Variants in SYN3 observed in about 807,000 individuals in gnomAD.
The protein encoded by SYN3 is synapsin-3.
A neutral mutation model predicts 65.8 loss-of-function variants in SYN3; 35 were observed. The ratio of observed to expected loss-of-function variants is 0.53; its 90% CI spans 0.41 to 0.70. SYN3 has a LOEUF of 0.70. Ranked by LOEUF, SYN3 falls within the 30% of genes least tolerant of loss-of-function variation. SYN3 has a pLI of 0.00. For missense variants in SYN3, 680 were observed against 749.0 expected (o/e 0.91, Z 1.08); for synonymous variants, 270 against 292.9 (o/e 0.92, Z 0.80).
intron 4 of SYN3, among the ~76,000 whole-genome samples, chr22:32,870,317 A>G (rs2048814649): frequency 7.7e-6 from 1 of 130,568 alleles, no homozygotes. Flanking sequence ...TAATTGCTCC[A>G]TACTTTCTTT....
intron 7 of SYN3, among the ~76,000 whole-genome samples, chr22:32,563,187 A>G (rs534547390): frequency 3.9e-5 from 6 of 152,376 alleles, no homozygotes; most frequent in Admixed American, 3.9e-4. Context: ...AAGAGGTTTA[A>G]GTAAATTAAC....
chr22:32,725,587 A>G (rs2061179301), intron 6 of SYN3, among the ~76,000 whole-genome samples: 1 of 152,184 alleles, frequency 6.6e-6, no homozygotes, highest in Non-Finnish European at 1.5e-5. Flanking sequence ...CAGAAGAGTC[A>G]GAGTGAGAGG....
At chr22:32,879,757 C>A (rs1168175034) in intron 4 of SYN3, among the ~76,000 whole-genome samples, 1 of 152,158 alleles carries the variant, frequency 6.6e-6, no homozygotes, top group Non-Finnish European at 1.5e-5. Flanking sequence ...CGGTGTTAAG[C>A]ACATAGTAGG....
intron 6 of SYN3, among the ~76,000 whole-genome samples, chr22:32,826,178 C>T (rs1378319876): frequency 6.6e-6 from 1 of 152,050 alleles, no homozygotes; most frequent in Admixed American, 6.6e-5. Context: ...CCTGTAATTC[C>T]AGCACTTTGG....
At chr22:32,788,800 A>G (rs1310786092) in intron 6 of SYN3, among the ~76,000 whole-genome samples, 1 of 152,218 alleles carries the variant, frequency 6.6e-6, no homozygotes, top group Admixed American at 6.5e-5. Flanking sequence ...GTTTATCATG[A>G]CTTGGCATTG....
At chr22:32,870,834 A>G (rs1273196492) in intron 4 of SYN3, among the ~76,000 whole-genome samples, 1 of 152,208 alleles carries the variant, frequency 6.6e-6, no homozygotes. Flanking sequence ...AAGTCTGTTC[A>G]CATCCTTTTC....
At chr22:32,524,087 G>A (rs1300079017) in intron 12 of SYN3, among the ~76,000 whole-genome samples, 1 of 152,252 alleles carries the variant, frequency 6.6e-6, no homozygotes, top group African/African-American at 2.4e-5. Flanking sequence ...GCAGAGGTTG[G>A]TGGGTGAAGT....
At chr22:32,578,041 T>C (rs1268668964) in intron 7 of SYN3, among the ~76,000 whole-genome samples, 1 of 152,286 alleles carries the variant, frequency 6.6e-6, no homozygotes, top group Admixed American at 6.5e-5. Flanking sequence ...TGTTTGATAT[T>C]GCATCTCCAG....
chr22:32,668,304 T>A (rs2060318022), intron 6 of SYN3, among the ~76,000 whole-genome samples: 1 of 152,226 alleles, frequency 6.6e-6, no homozygotes, highest in African/African-American at 2.4e-5. Flanking sequence ...TACATAATTA[T>A]CTTTTCAATG....
At chr22:32,993,014 G>A (rs561817906) in intron 2 of SYN3, among the ~76,000 whole-genome samples, 2 of 152,226 alleles carry the variant, frequency 1.3e-5, no homozygotes, top group South Asian at 4.2e-4. Context: ...GTCCCAAAGT[G>A]CCCGCAGAGC....
intron 7 of SYN3, among the ~76,000 whole-genome samples, chr22:32,594,796 C>T (rs936427164): frequency 1.3e-5 from 2 of 152,234 alleles, no homozygotes; most frequent in African/African-American, 4.8e-5. Context: ...CTGACCCATT[C>T]CTTTTTAGGC....
At chr22:32,710,539 G>A (rs1213972277) in intron 6 of SYN3, among the ~76,000 whole-genome samples, 1 of 151,476 alleles carries the variant, frequency 6.6e-6, no homozygotes, top group Admixed American at 6.6e-5. Context: ...AGGCTGAGGC[G>A]GGAGAACTGC....
At chr22:32,896,762 GCTGTCAC>G (rs1361511324) in intron 4 of SYN3, among the ~76,000 whole-genome samples, 11 of 152,150 alleles carry the variant, frequency 7.2e-5, no homozygotes, top group African/African-American at 2.7e-4. Flanking sequence ...TCTCATTTTG[GCTGTCAC>G]CTTGTTCGAA....
chr22:32,521,740 C>G (rs1021997053), intron 12 of SYN3, among the ~76,000 whole-genome samples: 13 of 152,126 alleles, frequency 8.5e-5, no homozygotes, highest in Admixed American at 7.2e-4. Flanking sequence ...GTCACCGCGC[C>G]CAGCTCACCT....
At chr22:32,587,902 T>A (rs1446380328) in intron 7 of SYN3, among the ~76,000 whole-genome samples, 1 of 152,106 alleles carries the variant, frequency 6.6e-6, no homozygotes, top group African/African-American at 2.4e-5. Flanking sequence ...GGATATCTGG[T>A]ACCATGTCAC....
chr22:32,988,097 A>C (rs1253115261), intron 2 of SYN3, among the ~76,000 whole-genome samples: 1 of 151,912 alleles, frequency 6.6e-6, no homozygotes. Context: ...TCACGAGGTC[A>C]AGAGATCAAG....
intron 13 of SYN3, among the ~76,000 whole-genome samples, 165 bp from the exon 14 acceptor site, chr22:32,513,989 A>AAT (rs2057729336): frequency 6.6e-6 from 1 of 152,204 alleles, no homozygotes; most frequent in African/African-American, 2.4e-5. Context: ...GGTACATTAC[A>AAT]CACATAATTT....
At position 33,051,851 on chromosome 22, in the gene SYN3, G is replaced by T. The variant is rs140255248; in HGVS notation, c.-163+6441C>A. ...AATATAAGGAGGAACCAGATTAGAA[G>T]TGGTTTCAGAGATACAGGGATAACC... On this transcript the variant is annotated intron_variant, in intron 1 of 13. Transcript: ENST00000358763. 2.0e-5 allele frequency among the ~76,000 whole-genome samples: 3 copies of T among 152,316 alleles called. No individual in the cohort carries two copies. In the East Asian group the frequency reaches 5.8e-4, roughly 29 times the overall value.
At chr22:32,749,082 A>C (rs1007816560) in intron 6 of SYN3, among the ~76,000 whole-genome samples, 1 of 152,144 alleles carries the variant, frequency 6.6e-6, no homozygotes, top group Non-Finnish European at 1.5e-5. Flanking sequence ...TCATAAACAC[A>C]GTTTCTCACA....
Sources: allele counts gnomAD v4.1 joint callset (sites outside exome capture counted in the v4.1 genomes callset), GRCh38; gene constraint gnomAD v4.1.1; transcripts MANE v1.5; gene names NCBI Gene and HGNC (gene_info 2026-07-23, HGNC 2026-07-21).